VPS13B: variants seen among roughly 807,000 people sequenced by gnomAD.
The protein encoded by VPS13B is intermembrane lipid transfer protein VPS13B.
In VPS13B, 285 loss-of-function variants were observed where a neutral mutation model predicts 426.4. The ratio of observed to expected loss-of-function variants is 0.67; its 90% CI spans 0.61 to 0.74. The LOEUF (loss-of-function observed/expected upper bound fraction) is 0.74. VPS13B is among the 30% of genes least tolerant of loss of function. VPS13B has a pLI of 0.00. For synonymous variants in VPS13B, 1,676 were observed against 1,676.4 expected (o/e 1.00, Z 0.01); for missense variants, 4,537 against 4,782.6 (o/e 0.95, Z 1.51).
At chr8:99,371,803 A>G (rs1006608225) in intron 19 of VPS13B, among the ~76,000 whole-genome samples, 1 of 152,088 alleles carries the variant, frequency 6.6e-6, no homozygotes, top group Admixed American at 6.5e-5. Context: ...TGTAAGTTGT[A>G]TTCCTAGCCA....
intron 24 of VPS13B, among the ~76,000 whole-genome samples, chr8:99,477,722 G>A (rs768108996): frequency 6.6e-6 from 1 of 152,160 alleles, no homozygotes; most frequent in Non-Finnish European, 1.5e-5. Flanking sequence ...ATGTAAGGTA[G>A]GCTGAGAGCA....
chr8:99,866,756 AC>A (rs1160362650), intron 58 of VPS13B, among the ~76,000 whole-genome samples: 2 of 152,170 alleles, frequency 1.3e-5, no homozygotes, highest in Non-Finnish European at 2.9e-5. Context: ...GGAAGAGAAG[AC>A]CCAGGGTTCC....
chr8:99,591,077 T>C (rs1826637315), intron 33 of VPS13B, among the ~76,000 whole-genome samples: 1 of 152,154 alleles, frequency 6.6e-6, no homozygotes, highest in Admixed American at 6.5e-5. Context: ...ATTGATCCCT[T>C]TACCATTATG....
At chr8:99,298,830 TA>T in intron 19 of VPS13B, among the ~76,000 whole-genome samples, 1 of 152,208 alleles carries the variant, frequency 6.6e-6, no homozygotes, top group Non-Finnish European at 1.5e-5. Context: ...AAAATTTATT[TA>T]AAAAATTGGC....
Position 99,202,388 on chromosome 8 carries a change from T to G in VPS13B, c.2515+9331T>G, listed in dbSNP as rs539192630. 2.2e-4 allele frequency among the ~76,000 whole-genome samples: 34 copies of G among 152,260 alleles called. 1 individual carries two copies. The highest frequency in any genetic ancestry group is 8.2e-4 in the African/African-American group (34 of 41,550). ...GAATAAATATTTTCAGTTCTACAGA[T>G]TCCCAAGGGGAGGGAGTCAATAGAC... is the stretch of plus-strand genomic sequence containing the variant. On this transcript the variant is annotated intron_variant, in intron 17 of 61. Transcript: ENST00000357162.
At chr8:99,871,358 G>T in intron 60 of VPS13B, 90 bp from the exon 61 acceptor site, 4 of 1,599,116 alleles carry the variant, frequency 2.5e-6, no homozygotes, top group Non-Finnish European at 2.6e-6. Context: ...TTGCCCTTGT[G>T]GAGGTTGCCC....
At chr8:99,609,626 T>C (rs1215146549) in intron 33 of VPS13B, among the ~76,000 whole-genome samples, 1 of 152,216 alleles carries the variant, frequency 6.6e-6, no homozygotes, top group Non-Finnish European at 1.5e-5. Context: ...CTTGAGGCTA[T>C]CATTTTGTGG....
In VPS13B at chr8:99,817,650, T is replaced by G. The variant is rs1814123098; in HGVS notation, c.8208T>G (p.His2736Gln). The G allele has an allele frequency of 1.2e-6, 2 of 1,614,022 alleles. No homozygotes were observed. Among genetic ancestry groups the G allele is most frequent in the Non-Finnish European group, 1.7e-6 (2 of 1,179,978 alleles). Reference sequence around the variant, plus strand: ...ATGGACAAGCTGTAGTTCGGGAACATTTTGACTGCCTCACAGCCAAACAGA... The same window carrying G: ...ATGGACAAGCTGTAGTTCGGGAACAGTTTGACTGCCTCACAGCCAAACAGA... ...GQDGQAVVRE[H>Q]FDCLTAKQKL... Residue 2736 changes from histidine (H) to glutamine (Q), a missense_variant, in exon 45 of 62, where the codon CAT (histidine) becomes CAG (glutamine). Physicochemically the swap from His to Gln is conservative, Grantham distance 24. Transcript: ENST00000357162.
At chr8:99,430,329 A>G (rs1817020975) in intron 21 of VPS13B, among the ~76,000 whole-genome samples, 1 of 152,110 alleles carries the variant, frequency 6.6e-6, no homozygotes, top group Non-Finnish European at 1.5e-5. Context: ...ATATGGTACT[A>G]CTTATTTTGG....
intron 17 of VPS13B, among the ~76,000 whole-genome samples, chr8:99,254,107 G>A (rs909029168): frequency 1.3e-5 from 2 of 152,134 alleles, no homozygotes; most frequent in Non-Finnish European, 2.9e-5. Context: ...CAGAAAGTCT[G>A]TGTACTCTAT....
At chr8:99,465,047 C>A (rs1257116267) in intron 23 of VPS13B, among the ~76,000 whole-genome samples, 1 of 152,132 alleles carries the variant, frequency 6.6e-6, no homozygotes, top group African/African-American at 2.4e-5. Flanking sequence ...TATAGCATTA[C>A]AACTTTCCAA....
At position 99,154,159 on chromosome 8, in the gene VPS13B, G is replaced by GTT. The variant is rs375134323; in HGVS notation, c.2014-2380_2014-2379dup. On this transcript the variant is annotated intron_variant, in intron 14 of 61. Coordinates refer to ENST00000357162, the MANE Select transcript of VPS13B (RefSeq NM_152564.5). ...ATGTGTCTGTATGTAGGTTTTTTTT[G>GTT]TTTTTTTTTTTGGCATTTATCCTGC... is the stretch of plus-strand genomic sequence containing the variant. Among the ~76,000 whole-genome samples the GTT allele has an allele frequency of 3.8e-3, 524 of 136,440 alleles. 6 individuals are homozygous for GTT. The highest frequency in any genetic ancestry group is 0.013 in the African/African-American group (482 of 37,570). The allele number at this position is 136,440 out of a possible 152,430, so 89.5% of individuals were successfully genotyped here.
intron 57 of VPS13B, among the ~76,000 whole-genome samples, 195 bp from the exon 58 acceptor site, chr8:99,861,581 C>G (rs373152737): frequency 2.0e-5 from 3 of 152,212 alleles, no homozygotes; most frequent in Non-Finnish European, 4.4e-5. Flanking sequence ...GGATTACAGG[C>G]GTGAGCCACC....
intron 33 of VPS13B, among the ~76,000 whole-genome samples, chr8:99,637,936 A>G (rs1829135255): frequency 6.6e-6 from 1 of 152,100 alleles, no homozygotes; most frequent in African/African-American, 2.4e-5. Context: ...TTTTAGTTAT[A>G]CTGTATTTAG....
intron 12 of VPS13B, among the ~76,000 whole-genome samples, chr8:99,142,449 T>C (rs1810479973): frequency 6.6e-6 from 1 of 152,208 alleles, no homozygotes; most frequent in African/African-American, 2.4e-5. Flanking sequence ...AGTAGGATTC[T>C]GTACCATGGA....
intron 17 of VPS13B, among the ~76,000 whole-genome samples, chr8:99,208,261 A>G (rs997659216): frequency 6.6e-6 from 1 of 151,528 alleles, no homozygotes; most frequent in African/African-American, 2.4e-5. Flanking sequence ...TGACCCAAAC[A>G]CCTCCTACCA....
intron 54 of VPS13B, among the ~76,000 whole-genome samples, chr8:99,843,426 C>A (rs1159587105): frequency 6.6e-6 from 1 of 152,154 alleles, no homozygotes; most frequent in Non-Finnish European, 1.5e-5. Flanking sequence ...AAATCTTCCC[C>A]GCAAGGTTGG....
chr8:99,497,545 G>A (rs1441884093), intron 25 of VPS13B, among the ~76,000 whole-genome samples: 1 of 151,682 alleles, frequency 6.6e-6, no homozygotes, highest in Non-Finnish European at 1.5e-5. Context: ...TTTATTATCA[G>A]CGTTGTTAAA....
intron 44 of VPS13B, among the ~76,000 whole-genome samples, chr8:99,816,545 C>T (rs1814053181): frequency 6.6e-6 from 1 of 152,140 alleles, no homozygotes; most frequent in Non-Finnish European, 1.5e-5. Flanking sequence ...GTAGCTCATG[C>T]TTGTAATCCC....
Sources: allele counts gnomAD v4.1 joint callset (sites outside exome capture counted in the v4.1 genomes callset), GRCh38; gene constraint gnomAD v4.1.1; transcripts MANE v1.5; gene names NCBI Gene and HGNC (gene_info 2026-07-23, HGNC 2026-07-21).